Variants in INPP4B observed in about 807,000 individuals in gnomAD.
The protein encoded by INPP4B is inositol polyphosphate-4-phosphatase type II B.
INPP4B carries 55 observed loss-of-function variants against 122.5 expected under a neutral mutation model. The ratio of observed to expected loss-of-function variants is 0.45; its 90% CI spans 0.36 to 0.56. The LOEUF is 0.56. Ranked by LOEUF, INPP4B falls within the 20% of genes least tolerant of loss-of-function variation. INPP4B has a pLI of 0.00. For synonymous variants in INPP4B, 403 were observed against 388.7 expected (o/e 1.04, Z -0.43); for missense variants, 1,000 against 1,097.7 (o/e 0.91, Z 1.26).
intron 3 of INPP4B, among the ~76,000 whole-genome samples, chr4:142,444,031 A>T (rs1486604150): frequency 2.0e-5 from 3 of 152,226 alleles, no homozygotes; most frequent in East Asian, 3.8e-4. Context: ...GAAAAAGTGG[A>T]GAAGTTGCAT....
chr4:142,124,109 C>T (rs9986085), intron 19 of INPP4B, among the ~76,000 whole-genome samples: 19,369 of 151,914 alleles, frequency 0.13, 1,419 homozygotes, highest in East Asian at 0.23. Flanking sequence ...ACCTCCTATT[C>T]GAGCCTTACT....
At chr4:142,796,867 GATGT>G (rs771738716) in intron 1 of INPP4B, among the ~76,000 whole-genome samples, 4 of 128,758 alleles carry the variant, frequency 3.1e-5, no homozygotes, top group East Asian at 2.5e-4. Context: ...GCGGAAAACA[GATGT>G]GTGTGTGTGT....
chr4:142,115,330 G>A (rs1484942342), intron 21 of INPP4B, among the ~76,000 whole-genome samples: 2 of 152,078 alleles, frequency 1.3e-5, no homozygotes, highest in Non-Finnish European at 2.9e-5. Context: ...GATATTCCTC[G>A]AGAAGAGCAA....
intron 25 of INPP4B, among the ~76,000 whole-genome samples, chr4:142,042,777 G>T (rs1239273174): frequency 6.6e-6 from 1 of 151,984 alleles, no homozygotes; most frequent in Non-Finnish European, 1.5e-5. Context: ...TGGTCAAGCT[G>T]GTCTTAAACT....
chr4:142,525,222 C>T (rs1199785863), intron 2 of INPP4B, among the ~76,000 whole-genome samples: 1 of 152,012 alleles, frequency 6.6e-6, no homozygotes, highest in South Asian at 2.1e-4. Flanking sequence ...CAAACCACTG[C>T]TCACTGAAAT....
At chr4:142,487,062 G>A (rs1485878707) in intron 2 of INPP4B, among the ~76,000 whole-genome samples, 4 of 152,052 alleles carry the variant, frequency 2.6e-5, no homozygotes, top group Non-Finnish European at 5.9e-5. Flanking sequence ...CACGGGGGTG[G>A]GTCTTTCCTG....
At chr4:142,077,641 G>C (rs1329323340) in intron 25 of INPP4B, among the ~76,000 whole-genome samples, 1 of 151,556 alleles carries the variant, frequency 6.6e-6, no homozygotes, top group Non-Finnish European at 1.5e-5. Context: ...AGCATTCCAT[G>C]GAGAGTCCAA....
intron 1 of INPP4B, among the ~76,000 whole-genome samples, chr4:142,750,303 A>C (rs1487944240): frequency 1.3e-5 from 2 of 152,134 alleles, no homozygotes; most frequent in Non-Finnish European, 2.9e-5. Flanking sequence ...AACTAATGAT[A>C]TAGAGACTGA....
intron 2 of INPP4B, among the ~76,000 whole-genome samples, chr4:142,702,730 CAAAAAAAAAAAAA>C (rs35472471): frequency 3.1e-5 from 2 of 64,344 alleles, no homozygotes; most frequent in African/African-American, 6.0e-5. Flanking sequence ...AACTCCGTCT[CAAAAAAAAAAAAA>C]AAAAAAAAAA....
chr4:142,571,751 CAA>C (rs776101592), intron 2 of INPP4B, among the ~76,000 whole-genome samples: 2 of 152,040 alleles, frequency 1.3e-5, no homozygotes, highest in African/African-American at 2.4e-5. Context: ...CAAAGAATGG[CAA>C]AGAGTCAATT....
At position 142,456,399 on chromosome 4, in the gene INPP4B, A is replaced by T. The variant is rs555176838; in HGVS notation, c.-127+6264T>A. On this transcript the variant is annotated intron_variant, in intron 3 of 25. Transcript: ENST00000262992. ...TTTTCCAGCCTCATTTCCACAGTGT[A>T]TGTTCTTGACAATTTTGTCAAAACT... Among the ~76,000 whole-genome samples the T allele has an allele frequency of 1.4e-3, 215 of 152,112 alleles. 5 individuals carry two copies. In the South Asian group the frequency reaches 0.045, roughly 32 times the overall value.
intron 16 of INPP4B, among the ~76,000 whole-genome samples, 156 bp from the exon 17 acceptor site, chr4:142,160,717 G>T (rs556108919): frequency 6.6e-6 from 1 of 152,118 alleles, no homozygotes; most frequent in South Asian, 2.1e-4. Flanking sequence ...CCAATCAATG[G>T]AAAATAGTTT....
At chr4:142,238,522 C>A (rs928094699) in intron 11 of INPP4B, among the ~76,000 whole-genome samples, 5 of 152,056 alleles carry the variant, frequency 3.3e-5, no homozygotes, top group Admixed American at 2.6e-4. Context: ...TTAGGAGTTA[C>A]AAAAGGTCTT....
chr4:142,775,738 A>G (rs1342097508), intron 1 of INPP4B, among the ~76,000 whole-genome samples: 1 of 152,070 alleles, frequency 6.6e-6, no homozygotes, highest in Non-Finnish European at 1.5e-5. Flanking sequence ...AGATTGTTTG[A>G]ATGTTCAGTT....
chr4:142,672,170 T>C (rs563735828), intron 2 of INPP4B, among the ~76,000 whole-genome samples: 68 of 152,342 alleles, frequency 4.5e-4, no homozygotes, highest in African/African-American at 1.6e-3. Context: ...TTTTGGGCTA[T>C]TGTGAATAAA....
intron 2 of INPP4B, among the ~76,000 whole-genome samples, chr4:142,552,964 A>C (rs901838584): frequency 5.3e-5 from 8 of 152,262 alleles, no homozygotes; most frequent in African/African-American, 1.9e-4. Context: ...GAGATCAATA[A>C]ATTTCCATTA....
intron 9 of INPP4B, among the ~76,000 whole-genome samples, chr4:142,294,072 A>T (rs1269694125): frequency 6.6e-6 from 1 of 152,230 alleles, no homozygotes; most frequent in East Asian, 1.9e-4. Flanking sequence ...GTGAGGGATG[A>T]TAAATTACTC....
At chr4:142,156,215 C>A (rs1323554410) in intron 17 of INPP4B, among the ~76,000 whole-genome samples, 1 of 151,784 alleles carries the variant, frequency 6.6e-6, no homozygotes, top group Non-Finnish European at 1.5e-5. Context: ...TATAAAGGAT[C>A]AGAAGTTTCT....
chr4:142,763,921 A>G (rs1298581825), intron 1 of INPP4B, among the ~76,000 whole-genome samples: 1 of 152,174 alleles, frequency 6.6e-6, no homozygotes, highest in Non-Finnish European at 1.5e-5. Flanking sequence ...GAAATTCTAT[A>G]GAAAATTAAT....
Sources: gnomAD v4.1 joint callset for allele counts (sites outside exome capture counted in the v4.1 genomes callset) on GRCh38, gnomAD v4.1.1 for gene constraint, MANE v1.5 for transcripts, NCBI Gene and HGNC (gene_info 2026-07-23, HGNC 2026-07-21) for gene names.